Variants in ZNF157 observed in about 807,000 individuals in gnomAD.
ZNF157 encodes the protein zinc finger protein 22.
Under a neutral mutation model 9.4 loss-of-function variants are expected in ZNF157, and 8 were observed. That is an observed-to-expected ratio of 0.85 (90% CI 0.50 to 1.53). ZNF157 has a LOEUF of 1.53. ZNF157 is among the 40% of genes most tolerant of loss of function. The probability of loss-of-function intolerance (pLI) is 0.00; values close to 1 mark genes in which losing one functional copy is unlikely to be tolerated. For synonymous variants in ZNF157, 120 were observed against 130.8 expected, an observed-to-expected ratio of 0.92 and a Z score of 0.56; for missense variants, 316 against 385.2, an observed-to-expected ratio of 0.82 and a Z score of 1.50.
chrX:47,411,000 T>C (rs769165391), intron 3 of ZNF157, among the ~76,000 whole-genome samples: 143 of 110,305 alleles, frequency 1.3e-3, no homozygotes, highest in African/African-American at 4.3e-3. Context: ...CTTGATTTTT[T>C]TTTTTTTTGA....
intron 1 of ZNF157, among the ~76,000 whole-genome samples, chrX:47,392,924 G>C (rs981306765): frequency 9.0e-6 from 1 of 111,399 alleles, no homozygotes; most frequent in African/African-American, 3.3e-5. Flanking sequence ...GGGAGGCCGA[G>C]GCAGGTGGAT....
In ZNF157 at chrX:47,412,473, G is replaced by T. The variant is rs1053739115; in HGVS notation, c.400G>T (p.Val134Phe). The T allele has an allele frequency of 8.3e-7, 1 of 1,210,439 alleles. No homozygotes were observed. The highest frequency in any genetic ancestry group is 1.1e-6 in the Non-Finnish European group (1 of 895,231). Residue 134 changes from valine (V) to phenylalanine (F), a missense_variant, in exon 4 of 4, where the codon GTT (valine) becomes TTT (phenylalanine). This residue lies in a region of ZNF157 where 146 missense variants were observed against 183.8 expected (regional missense o/e 0.79). Transcript: ENST00000377073. ...GAAGATTCAAACATTGGATCAAAATGTTGAATATAATGGATGCAGGAAAGC... is the reference window on the plus strand; with the variant it reads ...GAAGATTCAAACATTGGATCAAAATTTTGAATATAATGGATGCAGGAAAGC... ...HQKIQTLDQN[V>F]EYNGCRKAFH...
intron 1 of ZNF157, among the ~76,000 whole-genome samples, chrX:47,399,103 A>G: frequency 8.9e-6 from 1 of 111,792 alleles, no homozygotes; most frequent in East Asian, 2.8e-4. Context: ...TGTCCAGCCT[A>G]TTCTTTCTAT....
chrX:47,386,668 C>T (rs2147404616), intron 1 of ZNF157, among the ~76,000 whole-genome samples: 1 of 110,202 alleles, frequency 9.1e-6, no homozygotes, highest in South Asian at 3.9e-4. Context: ...CCATGTTGGC[C>T]GGGCTGGTCT....
At chrX:47,371,136 G>C (rs915075786) in intron 1 of ZNF157, among the ~76,000 whole-genome samples, 17 of 111,137 alleles carry the variant, frequency 1.5e-4, no homozygotes, top group Non-Finnish European at 2.6e-4. Flanking sequence ...CCAGGAGTTT[G>C]AGACCAGCCT....
chrX:47,377,757 C>A (rs28804178), intron 1 of ZNF157, among the ~76,000 whole-genome samples: 35,546 of 99,735 alleles, frequency 0.36, 5,309 homozygotes, highest in African/African-American at 0.48. Context: ...TTAAAAAAAA[C>A]CACATTCTAA....
chrX:47,397,448 T>C (rs757382492), intron 1 of ZNF157, among the ~76,000 whole-genome samples: 60 of 107,395 alleles, frequency 5.6e-4, no homozygotes, highest in Non-Finnish European at 9.4e-4. Flanking sequence ...TGGAGTCTTG[T>C]TGTCACCCAG....
Position 47,413,713 on chromosome X carries a change from G to A in ZNF157, c.*119G>A, listed in dbSNP as rs2055974615. On this transcript the variant is annotated 3_prime_UTR_variant, in exon 4 of 4. Coordinates refer to ENST00000377073, the MANE Select transcript of ZNF157 (RefSeq NM_003446.4). ...CAAAGTATGTCCTGATCCCCTTAGG[G>A]GATAGCTCATTGTTTTTATTCAGAT... 3.8e-6 allele frequency: 4 copies of A among 1,043,527 alleles called. No homozygotes were observed. Among genetic ancestry groups the A allele is most frequent in the South Asian group, 5.7e-5 (2 of 34,813 alleles). The allele number at this position is 1,043,527 out of a possible 1,213,427, so 86.0% of individuals were successfully genotyped here.
chrX:47,388,042 C>G (rs1212599900), intron 1 of ZNF157, among the ~76,000 whole-genome samples: 1 of 107,980 alleles, frequency 9.3e-6, no homozygotes, highest in African/African-American at 3.4e-5. Context: ...TCAGTAATTC[C>G]TTTATAGTGG....
intron 1 of ZNF157, among the ~76,000 whole-genome samples, chrX:47,410,045 T>C (rs1569261024): frequency 8.9e-6 from 1 of 111,840 alleles, no homozygotes; most frequent in Non-Finnish European, 1.9e-5. Context: ...CTGAGGCACA[T>C]AGTGTTAACT....
At chrX:47,406,661 C>T (rs1391352348) in intron 1 of ZNF157, among the ~76,000 whole-genome samples, 1 of 112,507 alleles carries the variant, frequency 8.9e-6, no homozygotes, top group Non-Finnish European at 1.9e-5. Context: ...AGGCGTGAGC[C>T]ACTATGCCCG....
rs183578856 is a variant in ZNF157 at position 47,412,521 on chromosome X, G to A, written c.448G>A (p.Val150Ile). The A allele has an allele frequency of 3.2e-5, 39 of 1,210,659 alleles. No individual in the cohort carries two copies. The highest frequency in any genetic ancestry group is 4.1e-5 in the Non-Finnish European group (37 of 895,421). ...RKAFHEKTGF[V>I]RRKRTPRGDK... ...AGCCTTCCATGAGAAAACAGGCTTT[G>A]TTAGACGTAAAAGAACACCCAGAGG... The change falls in exon 4 of 4, where the codon GTT (valine) becomes ATT (isoleucine). Residue 150 changes from valine (V) to isoleucine (I), a missense_variant. By Grantham distance (29) the Val-to-Ile change is conservative. Transcript: ENST00000377073.
chrX:47,413,329 G>C lies in ZNF157; in HGVS notation c.1256G>C (p.Cys419Ser). 3.3e-6 allele frequency: 4 copies of C among 1,211,825 alleles called. No homozygotes were observed. In the South Asian group the frequency reaches 7.0e-5, roughly 21 times the overall value. Reference sequence around the variant, plus strand: ...GAGAAACCCTACGAATGTAGTGAATGTGGGAAAATCTTCAGTATGAAGAAA... The same window carrying C: ...GAGAAACCCTACGAATGTAGTGAATCTGGGAAAATCTTCAGTATGAAGAAA... ...SGEKPYECSE[C>S]GKIFSMKKSL... Residue 419 changes from cysteine to serine, a missense_variant, in exon 4 of 4, where the codon TGT (cysteine) becomes TCT (serine). By Grantham distance (112) the Cys-to-Ser change is moderately radical. Around this residue, in one of 3 missense-constraint regions of ZNF157, gnomAD observed 167 missense variants for 183.6 expected, o/e 0.91. Transcript: ENST00000377073.
At chrX:47,406,871 T>C (rs1315436387) in intron 1 of ZNF157, among the ~76,000 whole-genome samples, 2 of 112,529 alleles carry the variant, frequency 1.8e-5, no homozygotes, top group Non-Finnish European at 3.7e-5. Flanking sequence ...GGACTTTGAA[T>C]AGGATTTTGA....
chrX:47,413,170 C>T lies in ZNF157; in HGVS notation c.1097C>T (p.Ser366Phe). ...KPYQCNECGK[S>F]FRVHSSLGIH... ...TATCAGTGTAATGAATGTGGGAAAT[C>T]TTTCAGGGTGCACTCATCTCTTGGG... The change falls in exon 4 of 4, where the codon TCT becomes TTT. Residue 366 changes from serine to phenylalanine, a missense_variant. Coordinates refer to ENST00000377073, the MANE Select transcript of ZNF157 (RefSeq NM_003446.4). The T allele has an allele frequency of 1.7e-6, 2 of 1,211,594 alleles. No individual in the cohort carries two copies. Among genetic ancestry groups the T allele is most frequent in the Non-Finnish European group, 2.2e-6 (2 of 895,283 alleles).
At chrX:47,401,085 G>A (rs2055929170) in intron 1 of ZNF157, among the ~76,000 whole-genome samples, 2 of 112,101 alleles carry the variant, frequency 1.8e-5, no homozygotes, top group Admixed American at 1.9e-4. Flanking sequence ...CCAGTAGCAT[G>A]TCCTCGTATA....
chrX:47,403,883 A>G (rs1172592296), intron 1 of ZNF157, among the ~76,000 whole-genome samples: 1 of 111,575 alleles, frequency 9.0e-6, no homozygotes, highest in Non-Finnish European at 1.9e-5. Flanking sequence ...AAAGACATAA[A>G]AAGTTGCCGG....
chrX:47,376,669 G>C (rs1435117587), intron 1 of ZNF157, among the ~76,000 whole-genome samples: 2 of 111,260 alleles, frequency 1.8e-5, no homozygotes, highest in Non-Finnish European at 3.8e-5. Context: ...TCACCATTTT[G>C]CATTCCCACC....
chrX:47,372,494 C>CT (rs35123428), intron 1 of ZNF157, among the ~76,000 whole-genome samples: 1,732 of 85,802 alleles, frequency 0.02, 44 homozygotes, highest in African/African-American at 0.067. Flanking sequence ...TATTTGTATT[C>CT]TTTTTTTTTT....
Sources: allele counts gnomAD v4.1 joint callset (sites outside exome capture counted in the v4.1 genomes callset), GRCh38; gene constraint gnomAD v4.1.1; regional missense constraint gnomAD v4.1.1; transcripts MANE v1.5; gene names NCBI Gene and HGNC (gene_info 2026-07-23, HGNC 2026-07-21).